OR5AK2: variants seen among roughly 807,000 people sequenced by gnomAD.
The protein encoded by OR5AK2 is olfactory receptor 5AK2.
For synonymous variants in OR5AK2, 176 were observed against 128.2 expected, an observed-to-expected ratio of 1.37 and a Z score of -2.52; for missense variants, 438 against 366.3, an observed-to-expected ratio of 1.20 and a Z score of -1.60.
rs909562325 is a variant in OR5AK2 at position 56,989,183 on chromosome 11, T to G, written c.270T>G (p.Asn90Lys). 1 of 1,614,006 alleles carries G rather than the reference T, an allele frequency of 6.2e-7. No individual in the cohort carries two copies. The highest frequency in any genetic ancestry group is 1.7e-5 in the Admixed American group (1 of 59,990). The change falls in exon 1 of 1, where the codon AAT becomes AAG. Residue 90 changes from asparagine to lysine, a missense_variant. By Grantham distance (94) the Asn-to-Lys change is moderately conservative (BLOSUM62 0). Transcript: ENST00000326855. ...TCCAAAGCTTCACAGAAGAAAAGAA[T>G]TTGATGTTATTTCAGGGCTGTGTGA... ...KMLQSFTEEKNLMLFQGCVIQ... is the reference protein window; with the variant it reads ...KMLQSFTEEKKLMLFQGCVIQ...
chr11:56,989,273 G>A lies in OR5AK2; in HGVS notation c.360G>A (p.Val120=). 1 of 1,614,008 alleles carries A rather than the reference G, an allele frequency of 6.2e-7. No homozygotes were observed. ...SDCYLLAMMA[V]DPYVAICKPL... Reference sequence around the variant, plus strand: ...GTTATCTCCTGGCTATGATGGCAGTGGATCCTTATGTTGCCATCTGTAAGC... The same window carrying A: ...GTTATCTCCTGGCTATGATGGCAGTAGATCCTTATGTTGCCATCTGTAAGC... Residue 120 remains valine (V), a synonymous_variant, in exon 1 of 1, where the codon GTG becomes GTA. Coordinates refer to ENST00000326855, the MANE Select transcript of OR5AK2 (RefSeq NM_001005323.1).
At position 56,989,112 on chromosome 11, in the gene OR5AK2, G is replaced by C. The variant is rs184712711; in HGVS notation, c.199G>C (p.Ala67Pro). The part of the protein sequence containing the change: ...TLTYFFLQHL[A>P]FVDICYTSAI... ...CACGTACTTTTTTCTACAACATTTG[G>C]CTTTTGTTGATATCTGTTACACTTC... The change falls in exon 1 of 1, where the codon GCT becomes CCT. Residue 67 changes from alanine to proline, a missense_variant. Coordinates refer to ENST00000326855, the MANE Select transcript of OR5AK2 (RefSeq NM_001005323.1). 6.8e-6 allele frequency: 11 copies of C among 1,613,808 alleles called. No homozygotes were observed. The East Asian group carries it at 2.2e-4, about 33-fold the overall frequency.
Position 56,989,192 on chromosome 11 carries a change from A to C in OR5AK2, c.279A>C (p.Leu93Phe). 6.2e-7 allele frequency: 1 copy of C among 1,614,084 alleles called. No homozygotes were observed. Among genetic ancestry groups the C allele is most frequent in the South Asian group, 1.1e-5 (1 of 91,074 alleles). ...QSFTEEKNLM[L>F]FQGCVIQFLV... ...TCACAGAAGAAAAGAATTTGATGTT[A>C]TTTCAGGGCTGTGTGATACAATTCT... The change falls in exon 1 of 1, where the codon TTA (leucine) becomes TTC (phenylalanine). Residue 93 changes from leucine to phenylalanine, a missense_variant. Physicochemically the swap from Leu to Phe is conservative, Grantham distance 22. Transcript: ENST00000326855.
chr11:56,989,394 G>A lies in OR5AK2; in HGVS notation c.481G>A (p.Gly161Ser), dbSNP rs1416514998. Reference protein sequence around the residue: ...MGSINASVQTGFTCSLSFCKS... With the variant: ...MGSINASVQTSFTCSLSFCKS... Reference sequence around the variant, plus strand: ...CTCAATAAATGCCTCTGTACAAACAGGTTTTACATGTTCACTGTCCTTCTG... The same window carrying A: ...CTCAATAAATGCCTCTGTACAAACAAGTTTTACATGTTCACTGTCCTTCTG... The change falls in exon 1 of 1, where the codon GGT (glycine) becomes AGT (serine). Residue 161 changes from glycine (G) to serine (S), a missense_variant. Gly to Ser is a moderately conservative substitution (Grantham distance 56, BLOSUM62 0). Coordinates refer to ENST00000326855, the MANE Select transcript of OR5AK2 (RefSeq NM_001005323.1). The A allele has an allele frequency of 9.3e-6, 15 of 1,614,092 alleles. No individual in the cohort carries two copies. Among genetic ancestry groups the A allele is most frequent in the Non-Finnish European group, 1.2e-5 (14 of 1,179,962 alleles).
Position 56,989,487 on chromosome 11 carries a change from G to A in OR5AK2, c.574G>A (p.Val192Ile), listed in dbSNP as rs202086369. The A allele has an allele frequency of 6.8e-6, 11 of 1,614,024 alleles. No homozygotes were observed. Among genetic ancestry groups the A allele is most frequent in the South Asian group, 1.1e-5 (1 of 91,070 alleles). Residue 192 changes from valine to isoleucine, a missense_variant, in exon 1 of 1, where the codon GTT (valine) becomes ATT (isoleucine). Transcript: ENST00000326855. ...PPILALSCSN[V>I]DINIMLLVVF... ...TATTCTTGCTCTTTCATGCTCCAAT[G>A]TTGACATCAACATCATGCTACTTGT...
rs371241737 is a variant in OR5AK2, at chr11:56,989,089, C to T, written c.176C>T (p.Thr59Met). The T allele has an allele frequency of 3.8e-5, 61 of 1,613,904 alleles. 2 individuals are homozygous for T. In the Middle Eastern group the frequency reaches 9.9e-4, roughly 26 times the overall value. The change falls in exon 1 of 1, where the codon ACG becomes ATG. Residue 59 changes from threonine (T) to methionine (M), a missense_variant. Physicochemically the swap from Thr to Met is moderately conservative, Grantham distance 81. Coordinates refer to ENST00000326855, the MANE Select transcript of OR5AK2 (RefSeq NM_001005323.1). ...INTDSRFQTL[T>M]YFFLQHLAFV... ...ACAGATTCCAGATTTCAAACACTCA[C>T]GTACTTTTTTCTACAACATTTGGCT...
chr11:56,989,816 A>G lies in OR5AK2; in HGVS notation c.903A>G (p.Leu301=). 6.3e-7 allele frequency: 1 copy of G among 1,595,110 alleles called. No homozygotes were observed. Among genetic ancestry groups the G allele is most frequent in the Non-Finnish European group, 8.5e-7 (1 of 1,170,304 alleles). Reference sequence around the variant, plus strand: ...GAAATAAGGAAGTAAAAGAAGCTTTAAAAGTGATAGGGAAAAAGTTATTTT... The same window carrying G: ...GAAATAAGGAAGTAAAAGAAGCTTTGAAAGTGATAGGGAAAAAGTTATTTT... The part of the protein sequence containing the change: ...SLRNKEVKEA[L]KVIGKKLF Residue 301 remains leucine, a synonymous_variant, in exon 1 of 1, where the codon TTA becomes TTG. Coordinates refer to ENST00000326855, the MANE Select transcript of OR5AK2 (RefSeq NM_001005323.1).
rs142316901 is a variant in OR5AK2 at position 56,989,778 on chromosome 11, A to G, written c.865A>G (p.Ile289Val). ...AGTTATTCCCATGTTAAATCCTTTA[A>G]TCTATAGCTTGAGAAATAAGGAAGT... ...GTVIPMLNPL[I>V]YSLRNKEVKE... The change falls in exon 1 of 1, where the codon ATC (isoleucine) becomes GTC (valine). Residue 289 changes from isoleucine to valine, a missense_variant. Physicochemically the swap from Ile to Val is conservative, Grantham distance 29. Coordinates refer to ENST00000326855, the MANE Select transcript of OR5AK2 (RefSeq NM_001005323.1). 3.0e-5 allele frequency: 48 copies of G among 1,609,078 alleles called. 1 individual carries two copies. The highest frequency in any genetic ancestry group is 2.8e-4 in the African/African-American group (21 of 74,576).
Position 56,989,164 on chromosome 11 carries a change from G to A in OR5AK2, c.251G>A (p.Ser84Asn), listed in dbSNP as rs1405286777. The A allele has an allele frequency of 6.2e-7, 1 of 1,614,036 alleles. No individual in the cohort carries two copies. Residue 84 changes from serine to asparagine, a missense_variant, in exon 1 of 1, where the codon AGC (serine) becomes AAC (asparagine). Physicochemically the swap from Ser to Asn is conservative, Grantham distance 46. Coordinates refer to ENST00000326855, the MANE Select transcript of OR5AK2 (RefSeq NM_001005323.1). ...GCTATCACTCCCAAGATGCTCCAAAGCTTCACAGAAGAAAAGAATTTGATG... is the reference window on the plus strand; with the variant it reads ...GCTATCACTCCCAAGATGCTCCAAAACTTCACAGAAGAAAAGAATTTGATG... ...TSAITPKMLQSFTEEKNLMLF... is the reference protein window; with the variant it reads ...TSAITPKMLQNFTEEKNLMLF...
In OR5AK2 at chr11:56,989,255, C is replaced by A; in HGVS notation, c.342C>A (p.Leu114=). Residue 114 remains leucine, a synonymous_variant, in exon 1 of 1, where the codon CTC becomes CTA. Transcript: ENST00000326855. The part of the protein sequence containing the change: ...YATFATSDCY[L]LAMMAVDPYV... Reference sequence around the variant, plus strand: ...CATTTGCAACCAGTGACTGTTATCTCCTGGCTATGATGGCAGTGGATCCTT... The same window carrying A: ...CATTTGCAACCAGTGACTGTTATCTACTGGCTATGATGGCAGTGGATCCTT... 6.2e-7 allele frequency: 1 copy of A among 1,613,966 alleles called. No homozygotes were observed. The highest frequency in any genetic ancestry group is 8.5e-7 in the Non-Finnish European group (1 of 1,179,826).
chr11:56,989,539 T>C lies in OR5AK2; in HGVS notation c.626T>C (p.Phe209Ser), dbSNP rs779014814. 7 of 1,614,072 alleles carry C rather than the reference T, an allele frequency of 4.3e-6. No homozygotes were observed. The South Asian group carries it at 7.7e-5, about 18-fold the overall frequency. ...LVVFVGSNLI[F>S]TGLVVIFSYI... is the part of the protein sequence containing the mutation. ...GTCTTTGTGGGATCTAACTTGATATTCACTGGGTTGGTCGTCATCTTTTCC... is the reference window on the plus strand; with the variant it reads ...GTCTTTGTGGGATCTAACTTGATATCCACTGGGTTGGTCGTCATCTTTTCC... The change falls in exon 1 of 1, where the codon TTC becomes TCC. Residue 209 changes from phenylalanine to serine, a missense_variant. Coordinates refer to ENST00000326855, the MANE Select transcript of OR5AK2 (RefSeq NM_001005323.1).
Position 56,989,581 on chromosome 11 carries a change from C to T in OR5AK2, c.668C>T (p.Ala223Val), listed in dbSNP as rs955806114. Residue 223 changes from alanine to valine, a missense_variant, in exon 1 of 1, where the codon GCC becomes GTC. Ala to Val is a moderately conservative substitution (Grantham distance 64, BLOSUM62 0). Coordinates refer to ENST00000326855, the MANE Select transcript of OR5AK2 (RefSeq NM_001005323.1). ...VVIFSYIYIM[A>V]TILKMSSSAG... ...ATCTTTTCCTACATCTACATCATGG[C>T]CACCATCCTGAAAATGTCTTCTAGT... The T allele has an allele frequency of 6.2e-7, 1 of 1,614,080 alleles. No individual in the cohort carries two copies. The highest frequency in any genetic ancestry group is 2.2e-5 in the East Asian group (1 of 44,884).
At position 56,989,483 on chromosome 11, in the gene OR5AK2, C is replaced by T. The variant is rs776162511; in HGVS notation, c.570C>T (p.Ser190=). 6 of 1,613,998 alleles carry T rather than the reference C, an allele frequency of 3.7e-6. No homozygotes were observed. The highest frequency in any genetic ancestry group is 5.1e-6 in the Non-Finnish European group (6 of 1,179,884). ...DVPPILALSC[S]NVDINIMLLV... ...CCCCTATTCTTGCTCTTTCATGCTCCAATGTTGACATCAACATCATGCTAC... is the reference window on the plus strand; with the variant it reads ...CCCCTATTCTTGCTCTTTCATGCTCTAATGTTGACATCAACATCATGCTAC... Residue 190 remains serine (S), a synonymous_variant, in exon 1 of 1, where the codon TCC becomes TCT. Transcript: ENST00000326855.
In OR5AK2 at chr11:56,989,440, A is replaced by G. The variant is rs62001000; in HGVS notation, c.527A>G (p.His176Arg). ...TTCTGCAAGTCCAATAGCATCAATC[A>G]CTTTTTCTGTGATGTTCCCCCTATT... is the stretch of plus-strand genomic sequence containing the variant. ...LSFCKSNSIN[H>R]FFCDVPPILA... Residue 176 changes from histidine (H) to arginine (R), a missense_variant, in exon 1 of 1, where the codon CAC (histidine) becomes CGC (arginine). Transcript: ENST00000326855. 4,748 of 1,614,018 alleles carry G rather than the reference A, an allele frequency of 2.9e-3. 124 individuals are homozygous for G. The African/African-American group carries it at 0.057, about 19-fold the overall frequency.
chr11:56,989,097 T>C lies in OR5AK2; in HGVS notation c.184T>C (p.Phe62Leu). ...CAGATTTCAAACACTCACGTACTTT[T>C]TTCTACAACATTTGGCTTTTGTTGA... ...DSRFQTLTYF[F>L]LQHLAFVDIC... is the part of the protein sequence containing the mutation. Residue 62 changes from phenylalanine (F) to leucine (L), a missense_variant, in exon 1 of 1, where the codon TTT becomes CTT. Phe to Leu is a conservative substitution (Grantham distance 22). Transcript: ENST00000326855. 1.3e-5 allele frequency: 21 copies of C among 1,614,092 alleles called. No homozygotes were observed. The Middle Eastern group carries it at 9.9e-4, about 76-fold the overall frequency.
chr11:56,989,038 A>G lies in OR5AK2; in HGVS notation c.125A>G (p.Asn42Ser). The change falls in exon 1 of 1, where the codon AAT (asparagine) becomes AGT (serine). Residue 42 changes from asparagine (N) to serine (S), a missense_variant. Asn to Ser is a conservative substitution (Grantham distance 46). Coordinates refer to ENST00000326855, the MANE Select transcript of OR5AK2 (RefSeq NM_001005323.1). ...ATCTATGTGACCTCCATAATGGGTA[A>G]TAGTGGAATAATCTTACTCATCAAC... is the stretch of plus-strand genomic sequence containing the variant. The part of the protein sequence containing the change: ...LLIYVTSIMG[N>S]SGIILLINTD... 1 of 1,613,584 alleles carries G rather than the reference A, an allele frequency of 6.2e-7. No individual in the cohort carries two copies. The highest frequency in any genetic ancestry group is 8.5e-7 in the Non-Finnish European group (1 of 1,179,518).
At position 56,989,324 on chromosome 11, in the gene OR5AK2, C is replaced by G; in HGVS notation, c.411C>G (p.Ser137=). 1.2e-6 allele frequency: 2 copies of G among 1,614,076 alleles called. No homozygotes were observed. The highest frequency in any genetic ancestry group is 2.2e-5 in the South Asian group (2 of 91,064). ...CKPLHYTVIM[S]RTVCIRLVAG... ...CCCTTCACTATACTGTAATCATGTC[C>G]CGAACAGTCTGCATCCGTTTGGTAG... The change falls in exon 1 of 1, where the codon TCC becomes TCG. Residue 137 remains serine (S), a synonymous_variant. Transcript: ENST00000326855.
chr11:56,989,469 G>A lies in OR5AK2; in HGVS notation c.556G>A (p.Ala186Thr). 6.2e-7 allele frequency: 1 copy of A among 1,614,060 alleles called. No individual in the cohort carries two copies. Among genetic ancestry groups the A allele is most frequent in the Non-Finnish European group, 8.5e-7 (1 of 1,179,972 alleles). The change falls in exon 1 of 1, where the codon GCT (alanine) becomes ACT (threonine). Residue 186 changes from alanine (A) to threonine (T), a missense_variant. Coordinates refer to ENST00000326855, the MANE Select transcript of OR5AK2 (RefSeq NM_001005323.1). ...HFFCDVPPIL[A>T]LSCSNVDINI... ...TTTCTGTGATGTTCCCCCTATTCTTGCTCTTTCATGCTCCAATGTTGACAT... is the reference window on the plus strand; with the variant it reads ...TTTCTGTGATGTTCCCCCTATTCTTACTCTTTCATGCTCCAATGTTGACAT...
chr11:56,989,325 C>T lies in OR5AK2; in HGVS notation c.412C>T (p.Arg138Ter), dbSNP rs199648574. ...KPLHYTVIMS[R>*]TVCIRLVAGS... Reference sequence around the variant, plus strand: ...CCTTCACTATACTGTAATCATGTCCCGAACAGTCTGCATCCGTTTGGTAGC... The same window carrying T: ...CCTTCACTATACTGTAATCATGTCCTGAACAGTCTGCATCCGTTTGGTAGC... Residue 138 changes from arginine to a stop codon, truncating the protein, a stop_gained, in exon 1 of 1, where the codon CGA becomes TGA. Transcript: ENST00000326855. LOFTEE classifies it low-confidence loss of function (END_TRUNC). 122 of 1,613,990 alleles carry T rather than the reference C, an allele frequency of 7.6e-5. 1 individual carries two copies. The highest frequency in any genetic ancestry group is 1.5e-4 in the Admixed American group (9 of 59,998).
Sources: gnomAD v4.1 joint callset for allele counts on GRCh38, gnomAD v4.1.1 for gene constraint, MANE v1.5 for transcripts, NCBI Gene and HGNC (gene_info 2026-07-23, HGNC 2026-07-21) for gene names.